SH3RF3: variants seen among roughly 807,000 people sequenced by gnomAD.
SH3RF3 encodes the protein E3 ubiquitin-protein ligase SH3RF3.
Under a neutral mutation model 66.3 loss-of-function variants are expected in SH3RF3, and 29 were observed. The observed-to-expected ratio is 0.44, with a 90% CI of 0.33 to 0.60. SH3RF3 has a LOEUF of 0.60. Ranked by LOEUF, SH3RF3 falls within the 20% of genes least tolerant of loss-of-function variation. SH3RF3 has a pLI of 0.04. For missense variants in SH3RF3, 1,194 were observed against 1,190.9 expected (o/e 1.00, Z -0.04); for synonymous variants, 583 against 532.0 (o/e 1.10, Z -1.32).
intron 7 of SH3RF3, among the ~76,000 whole-genome samples, chr2:109,437,791 A>G (rs948869620): frequency 1.3e-5 from 2 of 152,240 alleles, no homozygotes; most frequent in African/African-American, 2.4e-5. Context: ...CCTTAAAGGC[A>G]TAAAGAAGGT....
At chr2:109,235,188 C>T (rs577461070) in intron 1 of SH3RF3, among the ~76,000 whole-genome samples, 2 of 152,144 alleles carry the variant, frequency 1.3e-5, no homozygotes, top group African/African-American at 2.4e-5. Flanking sequence ...CGGGAGGAAC[C>T]TGTCTTCTAA....
At chr2:109,243,805 G>T (rs1293859538) in intron 1 of SH3RF3, among the ~76,000 whole-genome samples, 1 of 152,202 alleles carries the variant, frequency 6.6e-6, no homozygotes, top group African/African-American at 2.4e-5. Flanking sequence ...TTCTCTGTGC[G>T]TTGGGAAGCC....
chr2:109,368,522 T>A, intron 2 of SH3RF3, among the ~76,000 whole-genome samples: 1 of 152,046 alleles, frequency 6.6e-6, no homozygotes, highest in East Asian at 1.9e-4. Context: ...TTTTATGTAT[T>A]TATCCTAAAA....
chr2:109,378,471 C>T lies in SH3RF3; in HGVS notation c.945+6790C>T, dbSNP rs115222443. Among the ~76,000 whole-genome samples, 959 of 152,312 alleles carry T rather than the reference C, an allele frequency of 6.3e-3. 7 individuals carry two copies. Among genetic ancestry groups the T allele is most frequent in the African/African-American group, 0.021 (881 of 41,552 alleles). On this transcript the variant is annotated intron_variant, in intron 3 of 9. Coordinates refer to ENST00000309415, the MANE Select transcript of SH3RF3 (RefSeq NM_001099289.3). ...GCCTATGAACTAGAGGCTGCATGGG[C>T]TTATGGAGCTGTGTGATGCTTCTGA...
At chr2:109,203,407 C>A (rs548044959) in intron 1 of SH3RF3, among the ~76,000 whole-genome samples, 1 of 152,194 alleles carries the variant, frequency 6.6e-6, no homozygotes, top group African/African-American at 2.4e-5. Context: ...CGCGTCCCTA[C>A]GAGCGCATCA....
chr2:109,359,556 T>C (rs999398553), intron 2 of SH3RF3, among the ~76,000 whole-genome samples: 3 of 152,246 alleles, frequency 2.0e-5, no homozygotes, highest in African/African-American at 7.2e-5. Flanking sequence ...CATTTATACC[T>C]AATGTAAATT....
intron 4 of SH3RF3, among the ~76,000 whole-genome samples, chr2:109,416,647 TG>T (rs1422242024): frequency 6.6e-6 from 1 of 151,780 alleles, no homozygotes. Flanking sequence ...CCTCCCAAAA[TG>T]CTGGGATTAC....
chr2:109,198,472 C>CT (rs1252775695), intron 1 of SH3RF3, among the ~76,000 whole-genome samples: 1 of 152,184 alleles, frequency 6.6e-6, no homozygotes, highest in African/African-American at 2.4e-5. Context: ...TGATAGCTGT[C>CT]TGAGTTTCTC....
chr2:109,203,303 A>G (rs985924109), intron 1 of SH3RF3, among the ~76,000 whole-genome samples: 1 of 152,198 alleles, frequency 6.6e-6, no homozygotes, highest in African/African-American at 2.4e-5. Context: ...TGGCTCTCTC[A>G]GGTGGACGCA....
chr2:109,343,219 C>T (rs918286017), intron 1 of SH3RF3, among the ~76,000 whole-genome samples: 7 of 152,178 alleles, frequency 4.6e-5, no homozygotes, highest in African/African-American at 1.7e-4. Flanking sequence ...CTTCCATGGA[C>T]TAATTAGTTA....
rs1041156745 is a variant in SH3RF3 at position 109,251,549 on chromosome 2, A to C, written c.574-96125A>C. On this transcript the variant is annotated intron_variant, in intron 1 of 9. Coordinates refer to ENST00000309415, the MANE Select transcript of SH3RF3 (RefSeq NM_001099289.3). ...GGTCCCTTTATGAATCTTGTGATAGATGAATGTGTGGAGATGGCGACTGGT... is the reference window on the plus strand; with the variant it reads ...GGTCCCTTTATGAATCTTGTGATAGCTGAATGTGTGGAGATGGCGACTGGT... The C allele has an allele frequency of 3.6e-5, 28 of 772,002 alleles. 2 individuals carry two copies. The South Asian group carries it at 3.8e-4, about 10-fold the overall frequency. The allele number at this position is 772,002 out of a possible 1,614,324, so 47.8% of individuals were successfully genotyped here. A position where few individuals can be genotyped will look rare whatever the true frequency, so the allele number is the denominator to read the frequency against.
intron 1 of SH3RF3, among the ~76,000 whole-genome samples, chr2:109,331,835 G>A (rs1177324599): frequency 6.6e-6 from 1 of 151,976 alleles, no homozygotes; most frequent in African/African-American, 2.4e-5. Context: ...CTTTGCCAGG[G>A]GCACCCTGTC....
intron 5 of SH3RF3, among the ~76,000 whole-genome samples, chr2:109,422,550 C>T (rs1026389785): frequency 3.3e-5 from 5 of 152,190 alleles, no homozygotes; most frequent in East Asian, 1.9e-4. Flanking sequence ...TGCATGGAGG[C>T]GACTGTGAGT....
rs181108496 is a variant in SH3RF3 at position 109,475,036 on chromosome 2, G to A, written c.2149-15569G>A. Among the ~76,000 whole-genome samples, 21 of 152,256 alleles carry A rather than the reference G, an allele frequency of 1.4e-4. 1 individual carries two copies. Among genetic ancestry groups the A allele is most frequent in the Admixed American group, 1.0e-3 (16 of 15,308 alleles). On this transcript the variant is annotated intron_variant, in intron 8 of 9. Coordinates refer to ENST00000309415, the MANE Select transcript of SH3RF3 (RefSeq NM_001099289.3). ...CTGTGTCACCAGGCTGGAGTGCAGT[G>A]GTGCGATCTCTGCTCACTGCAACCT...
chr2:109,473,532 C>T (rs1192017674), intron 8 of SH3RF3, among the ~76,000 whole-genome samples: 2 of 152,098 alleles, frequency 1.3e-5, no homozygotes, highest in Non-Finnish European at 2.9e-5. Flanking sequence ...AGGGTTAGAG[C>T]GACAGAGAGG....
At chr2:109,187,596 GGA>G (rs1678226150) in intron 1 of SH3RF3, among the ~76,000 whole-genome samples, 2 of 152,196 alleles carry the variant, frequency 1.3e-5, no homozygotes, top group South Asian at 4.1e-4. Flanking sequence ...TTATAGGCTA[GGA>G]GCATAGGCTG....
chr2:109,375,592 G>A (rs1187022000), intron 3 of SH3RF3, among the ~76,000 whole-genome samples: 1 of 152,258 alleles, frequency 6.6e-6, no homozygotes, highest in Non-Finnish European at 1.5e-5. Context: ...GTTCTAAGGG[G>A]AGTGAGGATG....
At chr2:109,260,072 C>T (rs1680313698) in intron 1 of SH3RF3, among the ~76,000 whole-genome samples, 1 of 152,138 alleles carries the variant, frequency 6.6e-6, no homozygotes, top group Non-Finnish European at 1.5e-5. Flanking sequence ...TATCTCAACC[C>T]TGGGAATACC....
intron 3 of SH3RF3, among the ~76,000 whole-genome samples, chr2:109,373,777 C>T (rs1208212465): frequency 6.6e-6 from 1 of 152,132 alleles, no homozygotes; most frequent in Non-Finnish European, 1.5e-5. Flanking sequence ...ACTGCAATTT[C>T]AAAAGCTAAG....
Sources: gnomAD v4.1 joint callset for allele counts (sites outside exome capture counted in the v4.1 genomes callset) on GRCh38, gnomAD v4.1.1 for gene constraint, MANE v1.5 for transcripts, NCBI Gene and HGNC (gene_info 2026-07-23, HGNC 2026-07-21) for gene names.